SCAF11: variants seen among roughly 807,000 people sequenced by gnomAD.
SCAF11 encodes SR-related CTD associated factor 11.
Under a neutral mutation model 140.5 loss-of-function variants are expected in SCAF11, and 47 were observed. The observed-to-expected ratio is 0.33, with a 90% CI of 0.26 to 0.43. SCAF11 has a LOEUF of 0.43. Ranked by LOEUF, SCAF11 falls within the 20% of genes least tolerant of loss-of-function variation. SCAF11 has a pLI of 1.00. For synonymous variants in SCAF11, 557 were observed against 579.4 expected (o/e 0.96, Z 0.55); for missense variants, 1,645 against 1,705.1 (o/e 0.96, Z 0.62).
rs774696203 is a variant in SCAF11, at chr12:45,922,464, TTATC to T, written c.4240_4243del (p.Asp1414LysfsTer10). ...TACTCCACTAAAGCCATAACTTACTTTATCTACTGCTTTCCGTACAATTTCTTTA... is the reference window on the plus strand; with the variant it reads ...TACTCCACTAAAGCCATAACTTACTTTACTGCTTTCCGTACAATTTCTTTA... On this transcript the variant is annotated frameshift_variant and splice_region_variant, in exon 14 of 15. Transcript: ENST00000369367. LOFTEE classifies it high-confidence loss of function. 1 of 1,600,530 alleles carries T rather than the reference TTATC, an allele frequency of 6.2e-7. No homozygotes were observed. The highest frequency in any genetic ancestry group is 1.8e-5 in the Admixed American group (1 of 55,466).
rs1466009265 is a variant in SCAF11 at position 45,934,509 on chromosome 12, T to C, written c.464-4A>G. On this transcript the variant is annotated splice_region_variant and splice_polypyrimidine_tract_variant and intron_variant, in intron 6 of 14. Transcript: ENST00000369367. Reference sequence around the variant, plus strand: ...GTTTCACTGTATAAAGAGTTTCCTGTACAAAGACATAAAAGGACTTGGTTA... The same window carrying C: ...GTTTCACTGTATAAAGAGTTTCCTGCACAAAGACATAAAAGGACTTGGTTA... 1.3e-6 allele frequency: 2 copies of C among 1,561,768 alleles called. No individual in the cohort carries two copies. The highest frequency in any genetic ancestry group is 2.1e-5 in the Admixed American group (1 of 48,254).
chr12:45,967,879 T>C (rs1945986467), intron 1 of SCAF11, among the ~76,000 whole-genome samples: 1 of 152,240 alleles, frequency 6.6e-6, no homozygotes, highest in Non-Finnish European at 1.5e-5. Context: ...CTGTTCTATC[T>C]GCCTGGACTC....
chr12:45,940,938 G>A (rs1266654131), intron 6 of SCAF11, among the ~76,000 whole-genome samples: 1 of 152,088 alleles, frequency 6.6e-6, no homozygotes, highest in Non-Finnish European at 1.5e-5. Context: ...CCGAGTAGCT[G>A]GGACTACAGG....
chr12:45,960,398 T>C (rs1945797721), intron 3 of SCAF11: 1 of 152,128 alleles, frequency 6.6e-6, no homozygotes, highest in African/African-American at 2.4e-5. Context: ...TATTATTTCT[T>C]TACCCAAAGC....
chr12:45,974,177 G>T, intron 1 of SCAF11: 1 of 470,828 alleles, frequency 2.1e-6, no homozygotes, highest in Non-Finnish European at 4.4e-6. Context: ...GTACATACTT[G>T]ATTTAAAAAT....
chr12:45,927,895 T>C lies in SCAF11; in HGVS notation c.1806A>G (p.Thr602=), dbSNP rs553178581. The change falls in exon 11 of 15, where the codon ACA becomes ACG. Residue 602 remains threonine (T), a synonymous_variant. Transcript: ENST00000369367. ...ITEHKDFTLK[T]EELIESPKLE... ...ACTTGGGGCTCTCTATAAGCTCCTC[T>C]GTTTTTAGTGTAAAATCTTTATGTT... 1.9e-6 allele frequency: 3 copies of C among 1,612,486 alleles called. No homozygotes were observed. Among genetic ancestry groups the C allele is most frequent in the East Asian group, 2.2e-5 (1 of 44,864 alleles).
intron 1 of SCAF11, among the ~76,000 whole-genome samples, chr12:45,967,897 C>T (rs1170476725): frequency 1.3e-5 from 2 of 152,174 alleles, no homozygotes; most frequent in African/African-American, 4.8e-5. Flanking sequence ...CTCCAGTTTT[C>T]AATCCAAGGA....
intron 9 of SCAF11, among the ~76,000 whole-genome samples, chr12:45,932,003 T>G (rs573972002): frequency 5.5e-4 from 84 of 152,222 alleles, no homozygotes; most frequent in African/African-American, 1.9e-3. Flanking sequence ...ATGCAGACTT[T>G]AAGCGTACAT....
At chr12:45,938,029 G>A (rs1945209141) in intron 6 of SCAF11, among the ~76,000 whole-genome samples, 1 of 152,132 alleles carries the variant, frequency 6.6e-6, no homozygotes, top group Non-Finnish European at 1.5e-5. Flanking sequence ...GTACTGTCTT[G>A]AGATTCTTAA....
rs1945556595 is a variant in SCAF11 at position 45,951,805 on chromosome 12, A to G, written c.220-78T>C. Reference sequence around the variant, plus strand: ...TTATAAATACAATTATAAATTTTCCATAAAATTATTTTTATCTCTATCTTC... The same window carrying G: ...TTATAAATACAATTATAAATTTTCCGTAAAATTATTTTTATCTCTATCTTC... On this transcript the variant is annotated intron_variant, in intron 3 of 14. Coordinates refer to ENST00000369367, the MANE Select transcript of SCAF11 (RefSeq NM_004719.3). 3.2e-6 allele frequency: 3 copies of G among 947,848 alleles called. No individual in the cohort carries two copies. In the East Asian group the frequency reaches 8.2e-5, roughly 26 times the overall value. 58.7% of individuals were successfully genotyped at this position (947,848 alleles called of 1,614,324 possible).
rs771594125 is a variant in SCAF11 at position 45,926,811 on chromosome 12, G to A, written c.2890C>T (p.Pro964Ser). Reference sequence around the variant, plus strand: ...TTTGCCCATCTTCCCTTCCACCGGGGAGAGTAACTATCTCTGTCAATTCTA... The same window carrying A: ...TTTGCCCATCTTCCCTTCCACCGGGAAGAGTAACTATCTCTGTCAATTCTA... ...FGRIDRDSYS[P>S]RWKGRWANDG... is the part of the protein sequence containing the mutation. Residue 964 changes from proline (P) to serine (S), a missense_variant, in exon 11 of 15, where the codon CCC (proline) becomes TCC (serine). Pro to Ser is a moderately conservative substitution (Grantham distance 74, BLOSUM62 -1). This residue lies in a region of SCAF11 where 1,582 missense variants were observed against 1,609.2 expected (regional missense o/e 0.98). Coordinates refer to ENST00000369367, the MANE Select transcript of SCAF11 (RefSeq NM_004719.3). 9.9e-6 allele frequency: 16 copies of A among 1,614,104 alleles called. No individual in the cohort carries two copies. Among genetic ancestry groups the A allele is most frequent in the South Asian group, 7.7e-5 (7 of 91,080 alleles).
At chr12:45,965,206 CG>C (rs1364427558) in intron 1 of SCAF11, among the ~76,000 whole-genome samples, 1 of 151,994 alleles carries the variant, frequency 6.6e-6, no homozygotes, top group African/African-American at 2.4e-5. Context: ...AAGATAGATA[CG>C]CCAGCCAAGT....
chr12:45,931,567 G>A lies in SCAF11; in HGVS notation c.780C>T (p.Leu260=). 1 of 1,531,828 alleles carries A rather than the reference G, an allele frequency of 6.5e-7. No individual in the cohort carries two copies. Among genetic ancestry groups the A allele is most frequent in the Non-Finnish European group, 8.7e-7 (1 of 1,146,448 alleles). The allele number at this position is 1,531,828 out of a possible 1,614,324, so 94.9% of individuals were successfully genotyped here. Residue 260 remains leucine (L), a synonymous_variant, in exon 10 of 15, where the codon CTC becomes CTT. Transcript: ENST00000369367. ...PWNVETEVLP[L]ISSVLPRTIF... is the part of the protein sequence containing the mutation. ...TAGTTCTTGGCAACACAGAAGAAAT[G>A]AGAGGAAGGACTTCTGTTTCAACAT...
In SCAF11 at chr12:45,948,522, G is replaced by GT. The variant is rs758155797; in HGVS notation, c.312dup (p.Gln105ThrfsTer11). 1 of 1,608,570 alleles carries GT rather than the reference G, an allele frequency of 6.2e-7. No homozygotes were observed. The highest frequency in any genetic ancestry group is 8.5e-7 in the Non-Finnish European group (1 of 1,177,184). Reference sequence around the variant, plus strand: ...TTCTTGTCTTTTGTTTCTCTCAGCTGTTTTTTTACTTGAACCTATGAGAAA... The same window carrying GT: ...TTCTTGTCTTTTGTTTCTCTCAGCTGTTTTTTTTACTTGAACCTATGAGAAA... On this transcript the variant is annotated frameshift_variant, in exon 5 of 15. Transcript: ENST00000369367. LOFTEE classifies it high-confidence loss of function.
intron 1 of SCAF11, among the ~76,000 whole-genome samples, chr12:45,972,951 GAT>G (rs1364511379): frequency 1.3e-4 from 15 of 111,346 alleles, no homozygotes; most frequent in Admixed American, 2.7e-4. Flanking sequence ...TATATATATA[GAT>G]ATATAGATAT....
At chr12:45,958,454 A>G (rs539050518) in intron 3 of SCAF11, among the ~76,000 whole-genome samples, 2 of 152,308 alleles carry the variant, frequency 1.3e-5, no homozygotes, top group South Asian at 4.1e-4. Flanking sequence ...CTCTATATAC[A>G]TTTCATCAGT....
At chr12:45,957,727 G>A (rs1490482058) in intron 3 of SCAF11, among the ~76,000 whole-genome samples, 1 of 152,100 alleles carries the variant, frequency 6.6e-6, no homozygotes, top group African/African-American at 2.4e-5. Flanking sequence ...AAAGGGAAAA[G>A]AATGCCAGCA....
intron 1 of SCAF11, among the ~76,000 whole-genome samples, chr12:45,988,211 T>G (rs1045590617): frequency 6.6e-6 from 1 of 152,202 alleles, no homozygotes; most frequent in Non-Finnish European, 1.5e-5. Flanking sequence ...CAAAAGCAGG[T>G]GATAGCAGGG....
chr12:45,991,789 C>G, upstream of SCAF11: 2 of 933,210 alleles, frequency 2.1e-6, no homozygotes, highest in Non-Finnish European at 2.7e-6. Flanking sequence ...CTCAGTGTCC[C>G]CCATCTACCA....
Sources: gnomAD v4.1 joint callset for allele counts (sites outside exome capture counted in the v4.1 genomes callset) on GRCh38, gnomAD v4.1.1 for gene constraint, gnomAD v4.1.1 regional missense constraint, MANE v1.5 for transcripts, NCBI Gene and HGNC (gene_info 2026-07-23, HGNC 2026-07-21) for gene names.